The following LAMP1 variants were observed in gnomAD, a reference collection of about 807,000 sequenced individuals.
LAMP1 encodes lysosome associated membrane protein 1.
Under a neutral mutation model 37.5 loss-of-function variants are expected in LAMP1, and 7 were observed. That is an observed-to-expected ratio of 0.19 (90% CI 0.11 to 0.35). LAMP1 has a LOEUF of 0.35. LAMP1 is among the 10% of genes least tolerant of loss of function. The pLI, the probability that LAMP1 is intolerant of heterozygous loss-of-function variation, is 1.00. For synonymous variants in LAMP1, 236 were observed against 229.1 expected, an observed-to-expected ratio of 1.03 and a Z score of -0.27; for missense variants, 537 against 552.8, an observed-to-expected ratio of 0.97 and a Z score of 0.29.
At chr13:113,303,635 T>C (rs2042584884) in intron 1 of LAMP1, among the ~76,000 whole-genome samples, 1 of 152,200 alleles carries the variant, frequency 6.6e-6, no homozygotes, top group Non-Finnish European at 1.5e-5. Context: ...GATGCTCTTA[T>C]TTTCTTCTAT....
At chr13:113,308,093 T>C (rs537269788) in intron 2 of LAMP1, among the ~76,000 whole-genome samples, 38 of 152,118 alleles carry the variant, frequency 2.5e-4, no homozygotes, top group Admixed American at 5.2e-4. Context: ...CGGCTCACTG[T>C]GTCTTCCACC....
chr13:113,311,194 G>T (rs1316710224), intron 4 of LAMP1, among the ~76,000 whole-genome samples: 1 of 152,166 alleles, frequency 6.6e-6, no homozygotes, highest in Non-Finnish European at 1.5e-5. Context: ...ATCACCAGGG[G>T]CTGGGGTTAA....
intron 2 of LAMP1, among the ~76,000 whole-genome samples, chr13:113,307,448 C>G (rs7327241): frequency 0.98 from 148,912 of 152,228 alleles, 72,914 homozygotes; most frequent in East Asian, 1. Context: ...GTGAGCCACC[C>G]CTCCCAGCTC....
rs751126775 is a variant in LAMP1, at chr13:113,309,718, G to A, written c.259G>A (p.Asp87Asn). The change falls in exon 3 of 9, where the codon GAC becomes AAC. Residue 87 changes from aspartate to asparagine, a missense_variant. Transcript: ENST00000332556. ...CTCCTGTGGAAAAGAGAACACTTCTGACCCCAGTCTCGTGATTGCTTTTGG... is the reference window on the plus strand; with the variant it reads ...CTCCTGTGGAAAAGAGAACACTTCTAACCCCAGTCTCGTGATTGCTTTTGG... ...RSSCGKENTSDPSLVIAFGRG... is the reference protein window; with the variant it reads ...RSSCGKENTSNPSLVIAFGRG... 10 of 1,614,168 alleles carry A rather than the reference G, an allele frequency of 6.2e-6. No homozygotes were observed. The highest frequency in any genetic ancestry group is 3.3e-4 in the Middle Eastern group (2 of 6,062).
intron 1 of LAMP1, among the ~76,000 whole-genome samples, chr13:113,302,997 G>C (rs2139357258): frequency 6.6e-6 from 1 of 152,346 alleles, no homozygotes; most frequent in Middle Eastern, 3.4e-3. Flanking sequence ...GATAGTTTTT[G>C]ATGTTTTGTG....
At chr13:113,307,655 GC>G (rs998195034) in intron 2 of LAMP1, among the ~76,000 whole-genome samples, 14 of 152,054 alleles carry the variant, frequency 9.2e-5, no homozygotes, top group Non-Finnish European at 5.9e-5. Context: ...GACATGCAAT[GC>G]AAACACTGTA....
chr13:113,321,811 G>T lies in LAMP1; in HGVS notation c.1114+84G>T. On this transcript the variant is annotated intron_variant, in intron 8 of 8. Coordinates refer to ENST00000332556, the MANE Select transcript of LAMP1 (RefSeq NM_005561.4). This position sits in a 1 kb window ranked among gnomAD's most constrained non-coding sequence, Gnocchi z 5.6. ...TGTGGACGTTTAGTCGCTTCCGTGT[G>T]GGCTGGGGCGACGCCCCTGTTCCTC... The T allele has an allele frequency of 7.3e-7, 1 of 1,377,372 alleles. No individual in the cohort carries two copies. Among genetic ancestry groups the T allele is most frequent in the South Asian group, 1.3e-5 (1 of 79,824 alleles). The allele number at this position is 1,377,372 out of a possible 1,614,324, so 85.3% of individuals were successfully genotyped here. A position where few individuals can be genotyped will look rare whatever the true frequency, so the allele number is the denominator to read the frequency against.
chr13:113,316,029 A>C (rs2042661955), intron 4 of LAMP1, among the ~76,000 whole-genome samples: 1 of 152,042 alleles, frequency 6.6e-6, no homozygotes, highest in Admixed American at 6.6e-5. Flanking sequence ...CTTGAACCCG[A>C]GAGGTGGAGG....
In LAMP1 at chr13:113,297,533, C is replaced by G. The variant is rs1489441485; in HGVS notation, c.61+38C>G. On this transcript the variant is annotated intron_variant, in intron 1 of 8. Transcript: ENST00000332556. The surrounding 1 kb of genome is among the most constrained non-coding windows in gnomAD (Gnocchi z 4.4). ...AGGCGGGGCCTGGGAGCGGCGGGACCGGGCGGAGCCGAGGTCCCTGGGTCT... is the reference window on the plus strand; with the variant it reads ...AGGCGGGGCCTGGGAGCGGCGGGACGGGGCGGAGCCGAGGTCCCTGGGTCT... 3.3e-6 allele frequency: 4 copies of G among 1,227,016 alleles called. No individual in the cohort carries two copies. The highest frequency in any genetic ancestry group is 4.1e-6 in the Non-Finnish European group (4 of 983,182). 76.0% of individuals were successfully genotyped at this position (1,227,016 alleles called of 1,614,324 possible).
At chr13:113,318,482 G>A (rs1303302519) in intron 4 of LAMP1, among the ~76,000 whole-genome samples, 2 of 152,186 alleles carry the variant, frequency 1.3e-5, no homozygotes, top group Non-Finnish European at 2.9e-5. Context: ...ACAGAAACAA[G>A]GTGGTAAAAG....
rs1225765238 is a variant in LAMP1 at position 113,319,504 on chromosome 13, ACAGCGCCCC to A, written c.600_608del (p.Ala204_Pro206del). ...TGAACAAGACAGGCCTTCCCCAACCACAGCGCCCCCTGCGCCACCCAGCCCCTCGCCCTC... is the reference window on the plus strand; with the variant it reads ...TGAACAAGACAGGCCTTCCCCAACCACTGCGCCACCCAGCCCCTCGCCCTC... On this transcript the variant is annotated inframe_deletion, in exon 5 of 9. Transcript: ENST00000332556. 6.2e-7 allele frequency: 1 copy of A among 1,613,608 alleles called. No homozygotes were observed. The highest frequency in any genetic ancestry group is 8.5e-7 in the Non-Finnish European group (1 of 1,179,834).
At chr13:113,311,062 A>G (rs2139366136) in intron 4 of LAMP1, among the ~76,000 whole-genome samples, 195 bp downstream of exon 4, 1 of 152,214 alleles carries the variant, frequency 6.6e-6, no homozygotes, top group Admixed American at 6.5e-5. Flanking sequence ...GGGTAGACAC[A>G]TGTTGATTAA....
Position 113,306,556 on chromosome 13 carries a change from A to G in LAMP1, c.133A>G (p.Asn45Asp). The G allele has an allele frequency of 6.2e-7, 1 of 1,614,150 alleles. No individual in the cohort carries two copies. The stretch of plus-strand genomic sequence containing the variant: ...CAACGGGACCGCGTGCATAATGGCC[A>G]ACTTCTCTGCTGCCTTCTCAGTGAA... ...NGNGTACIMANFSAAFSVNYD... is the reference protein window; with the variant it reads ...NGNGTACIMADFSAAFSVNYD... Residue 45 changes from asparagine to aspartate, a missense_variant, in exon 2 of 9, where the codon AAC becomes GAC. By Grantham distance (23) the Asn-to-Asp change is conservative. Transcript: ENST00000332556.
rs2042696817 is a variant in LAMP1 at position 113,321,138 on chromosome 13, C to T, written c.877-266C>T. 2.2e-6 allele frequency: 1 copy of T among 448,852 alleles called. No individual in the cohort carries two copies. The highest frequency in any genetic ancestry group is 3.4e-5 in the Admixed American group (1 of 29,014). 27.8% of individuals were successfully genotyped at this position (448,852 alleles called of 1,614,324 possible). On this transcript the variant is annotated intron_variant, in intron 6 of 8. Coordinates refer to ENST00000332556, the MANE Select transcript of LAMP1 (RefSeq NM_005561.4). The surrounding 1 kb of genome is among the most constrained non-coding windows in gnomAD (Gnocchi z 5.6). ...AAGGTTGCGATGAGCCGTGATCACT[C>T]CACTGCACTCCAGCCTGGGTGACAG...
At chr13:113,312,940 G>A (rs185566790) in intron 4 of LAMP1, among the ~76,000 whole-genome samples, 1 of 152,250 alleles carries the variant, frequency 6.6e-6, no homozygotes, top group East Asian at 1.9e-4. Context: ...AATTATCTGG[G>A]CTCCACACCT....
intron 4 of LAMP1, among the ~76,000 whole-genome samples, chr13:113,316,108 CA>C: frequency 6.6e-6 from 1 of 151,854 alleles, no homozygotes; most frequent in African/African-American, 2.4e-5. Flanking sequence ...ATCTCAAAAA[CA>C]AAAAAACAAA....
intron 4 of LAMP1, among the ~76,000 whole-genome samples, chr13:113,314,789 G>A (rs2042651422): frequency 1.6e-5 from 1 of 61,162 alleles, no homozygotes. Flanking sequence ...TGCCTGGGGC[G>A]TGGCCTCCTA....
intron 2 of LAMP1, 125 bp downstream of exon 2, chr13:113,306,731 C>T: frequency 9.3e-7 from 1 of 1,073,498 alleles, no homozygotes. Flanking sequence ...TGCATATCTC[C>T]TTCTGGTGTT....
chr13:113,318,516 T>G (rs1415991116), intron 4 of LAMP1, among the ~76,000 whole-genome samples: 1 of 152,124 alleles, frequency 6.6e-6, no homozygotes, highest in Non-Finnish European at 1.5e-5. Context: ...TCAAGGTTGA[T>G]GGTGTGTTAG....
Sources: allele counts gnomAD v4.1 joint callset (sites outside exome capture counted in the v4.1 genomes callset), GRCh38; gene constraint gnomAD v4.1.1; non-coding constraint Gnocchi (gnomAD v3.1); transcripts MANE v1.5; gene names NCBI Gene and HGNC (gene_info 2026-07-23, HGNC 2026-07-21).